MYO5B: variants seen among roughly 807,000 people sequenced by gnomAD.
The protein encoded by MYO5B is myosin VB.
MYO5B carries 143 observed loss-of-function variants against 229.3 expected under a neutral mutation model. The ratio of observed to expected loss-of-function variants is 0.62; its 90% confidence interval spans 0.54 to 0.72. MYO5B has a LOEUF of 0.72. Ranked by LOEUF, MYO5B falls within the 30% of genes least tolerant of loss-of-function variation. MYO5B has a pLI of 0.00. For synonymous variants in MYO5B, 918 were observed against 885.2 expected (o/e 1.04, Z -0.66); for missense variants, 2,321 against 2,331.0 (o/e 1.00, Z 0.09).
chr18:49,954,023 TATGTGTGTG>T (rs1568045578), intron 13 of MYO5B, among the ~76,000 whole-genome samples: 37 of 11,582 alleles, frequency 3.2e-3, no homozygotes, highest in African/African-American at 0.017. Flanking sequence ...TATGTATTTA[TATGTGTGTG>T]TGTGTGTGTG....
chr18:49,891,331 A>G (rs1614471), intron 22 of MYO5B, among the ~76,000 whole-genome samples: 88,293 of 151,934 alleles, frequency 0.58, 25,811 homozygotes, highest in Middle Eastern at 0.67. Context: ...CCCACAGGTC[A>G]CCCTCCATCC....
At position 49,902,500 on chromosome 18, in the gene MYO5B, G is replaced by A. The variant is rs573857486; in HGVS notation, c.2811+94C>T. 4.3e-5 allele frequency: 67 copies of A among 1,559,352 alleles called. No individual in the cohort carries two copies. The South Asian group carries it at 5.8e-4, about 14-fold the overall frequency. Reference sequence around the variant, plus strand: ...GACGTCTGTGCTCCCTCGGGTCTTCGGCATGTGCAGTTCCTCAAGGAAGCT... The same window carrying A: ...GACGTCTGTGCTCCCTCGGGTCTTCAGCATGTGCAGTTCCTCAAGGAAGCT... On this transcript the variant is annotated intron_variant, in intron 21 of 39. Transcript: ENST00000285039.
chr18:49,981,771 A>G (rs1003951398), intron 8 of MYO5B, among the ~76,000 whole-genome samples: 1 of 152,200 alleles, frequency 6.6e-6, no homozygotes, highest in African/African-American at 2.4e-5. Context: ...TTATTTGAAT[A>G]CGTGGTATTA....
chr18:50,075,144 A>G lies in MYO5B; in HGVS notation c.28-19766T>C, dbSNP rs529428006. ...CATCTCTAGTGCCAAGTGTACTCAG[A>G]TATTTGTAGGGGACACCATTTGAGC... On this transcript the variant is annotated intron_variant, in intron 1 of 39. Transcript: ENST00000285039. Among the ~76,000 whole-genome samples, 5 of 152,260 alleles carry G rather than the reference A, an allele frequency of 3.3e-5. No individual in the cohort carries two copies. The South Asian group carries it at 1.0e-3, about 32-fold the overall frequency.
At chr18:50,187,597 ACCT>A in intron 1 of MYO5B, among the ~76,000 whole-genome samples, 1 of 152,190 alleles carries the variant, frequency 6.6e-6, no homozygotes, top group Admixed American at 6.5e-5. Flanking sequence ...GCTCACTGCT[ACCT>A]CAACTCCCAG....
chr18:49,910,499 A>C (rs917415585), intron 18 of MYO5B, among the ~76,000 whole-genome samples: 3 of 151,636 alleles, frequency 2.0e-5, no homozygotes, highest in Non-Finnish European at 2.9e-5. Context: ...CACAGCAAAA[A>C]CCTCAATCAA....
At chr18:50,146,985 C>T (rs2032513794) in intron 1 of MYO5B, among the ~76,000 whole-genome samples, 1 of 152,118 alleles carries the variant, frequency 6.6e-6, no homozygotes, top group African/African-American at 2.4e-5. Context: ...AAATTCTTTC[C>T]CTGTCCCATA....
chr18:49,849,623 T>C lies in MYO5B; in HGVS notation c.4259A>G (p.Glu1420Gly), dbSNP rs775700108. 6.2e-7 allele frequency: 1 copy of C among 1,613,922 alleles called. No homozygotes were observed. Among genetic ancestry groups the C allele is most frequent in the Non-Finnish European group, 8.5e-7 (1 of 1,179,928 alleles). ...CTTCAGTTGCTTTTTGAGCTTCCTCTCATTCTTTTCCAGCTTTTCTACCAG... is the reference window on the plus strand; with the variant it reads ...CTTCAGTTGCTTTTTGAGCTTCCTCCCATTCTTTTCCAGCTTTTCTACCAG... ...KELVEKLEKN[E>G]RKLKKQLKIY... The change falls in exon 32 of 40, where the codon GAG (glutamate) becomes GGG (glycine). Residue 1420 changes from glutamate (E) to glycine (G), a missense_variant. Physicochemically the swap from Glu to Gly is moderately conservative, Grantham distance 98. Around this residue, in one of 2 missense-constraint regions of MYO5B, gnomAD observed 2,113 missense variants for 2,044.7 expected, o/e 1.03. Transcript: ENST00000285039.
chr18:49,826,267 C>A lies in MYO5B; in HGVS notation c.*204G>T, dbSNP rs1320033841. 4 of 612,956 alleles carry A rather than the reference C, an allele frequency of 6.5e-6. No homozygotes were observed. The East Asian group carries it at 1.2e-4, about 18-fold the overall frequency. 38.0% of individuals were successfully genotyped at this position (612,956 alleles called of 1,614,324 possible). ...ATCAAACTTAAAATCTTCCATATTT[C>A]AAGTGTTTTTATTCTGAGCAGTAGG... On this transcript the variant is annotated 3_prime_UTR_variant, in exon 40 of 40. Coordinates refer to ENST00000285039, the MANE Select transcript of MYO5B (RefSeq NM_001080467.3).
At chr18:49,983,564 C>A (rs2025838956) in intron 8 of MYO5B, among the ~76,000 whole-genome samples, 1 of 152,252 alleles carries the variant, frequency 6.6e-6, no homozygotes, top group Non-Finnish European at 1.5e-5. Flanking sequence ...ACCACCCCAT[C>A]CCGGCCCCTG....
At chr18:49,948,967 T>C (rs556832773) in intron 14 of MYO5B, among the ~76,000 whole-genome samples, 3 of 152,264 alleles carry the variant, frequency 2.0e-5, no homozygotes, top group African/African-American at 7.2e-5. Context: ...GATTCAGAGG[T>C]GGATGAGTTT....
At chr18:50,076,334 C>T (rs562951392) in intron 1 of MYO5B, among the ~76,000 whole-genome samples, 3 of 152,270 alleles carry the variant, frequency 2.0e-5, no homozygotes, top group Admixed American at 6.5e-5. Context: ...TACCATGTTC[C>T]ATCCATGCCC....
intron 22 of MYO5B, among the ~76,000 whole-genome samples, chr18:49,889,139 G>GT (rs2024680188): frequency 2.0e-5 from 3 of 152,098 alleles, no homozygotes; most frequent in Admixed American, 1.3e-4. Context: ...CTTTAAAATT[G>GT]TTTTTTTAAA....
chr18:50,018,254 T>C (rs2026236989), intron 4 of MYO5B, among the ~76,000 whole-genome samples: 1 of 150,374 alleles, frequency 6.7e-6, no homozygotes, highest in South Asian at 2.1e-4. Flanking sequence ...GCCCAGCTAG[T>C]CACTCATATC....
At chr18:50,160,126 C>T (rs965136654) in intron 1 of MYO5B, among the ~76,000 whole-genome samples, 3 of 152,240 alleles carry the variant, frequency 2.0e-5, no homozygotes, top group Non-Finnish European at 1.5e-5. Context: ...GATGATAAAA[C>T]ACCAAGCAAG....
chr18:49,965,696 C>T (rs956937907), intron 10 of MYO5B, among the ~76,000 whole-genome samples: 7 of 152,100 alleles, frequency 4.6e-5, no homozygotes, highest in African/African-American at 1.4e-4. Flanking sequence ...GCCAGAGAGT[C>T]GGTAGGCAGA....
At chr18:50,174,197 GACAA>G (rs2032960896) in intron 1 of MYO5B, among the ~76,000 whole-genome samples, 3 of 152,156 alleles carry the variant, frequency 2.0e-5, no homozygotes, top group Non-Finnish European at 2.9e-5. Flanking sequence ...GTGTTCTGCA[GACAA>G]ACAGAATAGG....
chr18:49,881,404 T>G (rs962602318), intron 22 of MYO5B, among the ~76,000 whole-genome samples: 1 of 152,064 alleles, frequency 6.6e-6, no homozygotes, highest in Non-Finnish European at 1.5e-5. Flanking sequence ...TCTGATGATG[T>G]TGACAAAACC....
chr18:50,164,296 T>G (rs976664049), intron 1 of MYO5B, among the ~76,000 whole-genome samples: 1 of 152,230 alleles, frequency 6.6e-6, no homozygotes, highest in Non-Finnish European at 1.5e-5. Flanking sequence ...AGTATATGCC[T>G]TGTTATGGGT....
Sources: gnomAD v4.1 joint callset for allele counts (sites outside exome capture counted in the v4.1 genomes callset) on GRCh38, gnomAD v4.1.1 for gene constraint, gnomAD v4.1.1 regional missense constraint, MANE v1.5 for transcripts, NCBI Gene and HGNC (gene_info 2026-07-23, HGNC 2026-07-21) for gene names.